The following EDARADD variants were observed in gnomAD, a reference collection of about 807,000 sequenced individuals.
The protein encoded by EDARADD is ectodysplasin-A receptor-associated adapter protein.
A neutral mutation model predicts 25.6 loss-of-function variants in EDARADD; 20 were observed. That is an observed-to-expected ratio of 0.78 (90% CI 0.55 to 1.14). EDARADD has a LOEUF of 1.14. Ranked by LOEUF, EDARADD falls within the 50% of genes most tolerant of loss-of-function variation. The pLI, the probability that EDARADD is intolerant of heterozygous loss-of-function variation, is 0.00. For missense variants in EDARADD, 225 were observed against 270.1 expected (o/e 0.83, Z 1.17); for synonymous variants, 86 against 94.4 (o/e 0.91, Z 0.52).
chr1:236,484,563 T>G lies in EDARADD; in HGVS notation c.*1914T>G. The G allele has an allele frequency of 1.0e-6, 1 of 977,622 alleles. No homozygotes were observed. Among genetic ancestry groups the G allele is most frequent in the South Asian group, 1.4e-5 (1 of 71,886 alleles). The allele number at this position is 977,622 out of a possible 1,614,324, so 60.6% of individuals were successfully genotyped here. On this transcript the variant is annotated 3_prime_UTR_variant, in exon 6 of 6. Coordinates refer to ENST00000334232, the MANE Select transcript of EDARADD (RefSeq NM_145861.4). The surrounding 1 kb of genome is among the most constrained non-coding windows in gnomAD (Gnocchi z 4.1). ...CAGCTCAAGACCCCCGAGCAACATT[T>G]GTAGGGGCCGCTGCTAGTTAGCTAC...
At position 236,482,544 on chromosome 1, in the gene EDARADD, G is replaced by A; in HGVS notation, c.543G>A (p.Glu181=). The change falls in exon 6 of 6, where the codon GAG becomes GAA. Residue 181 remains glutamate (E), a synonymous_variant. Transcript: ENST00000334232. Reference sequence around the variant, plus strand: ...AGAGGACGGTGGGCCAGCTGATGGAGCTCTGCAGGCTCTACCACAGGGCCG... The same window carrying A: ...AGAGGACGGTGGGCCAGCTGATGGAACTCTGCAGGCTCTACCACAGGGCCG... ...NSQRTVGQLM[E]LCRLYHRADV... 2 of 1,613,238 alleles carry A rather than the reference G, an allele frequency of 1.2e-6. No individual in the cohort carries two copies. Among genetic ancestry groups the A allele is most frequent in the Non-Finnish European group, 8.5e-7 (1 of 1,179,418 alleles).
intron 1 of EDARADD, among the ~76,000 whole-genome samples, chr1:236,405,812 C>T (rs1558112585): frequency 8.2e-5 from 10 of 121,406 alleles, no homozygotes; most frequent in Non-Finnish European, 1.7e-4. Flanking sequence ...TTCTTTCTTT[C>T]CTTCCTTCCT....
At chr1:236,349,676 G>C (rs1321510869) in intron 2 of EDARADD, among the ~76,000 whole-genome samples, 1 of 150,826 alleles carries the variant, frequency 6.6e-6, no homozygotes, top group Non-Finnish European at 1.5e-5. Flanking sequence ...AAGTTTTATT[G>C]TGTAGAGGAA....
rs776415213 is a variant in EDARADD, at chr1:236,395,655, G to A, written c.61+1150G>A. The A allele has an allele frequency of 3.2e-5, 50 of 1,575,794 alleles. No homozygotes were observed. Among genetic ancestry groups the A allele is most frequent in the Non-Finnish European group, 4.1e-5 (48 of 1,163,668 alleles). ...ATGGCTTCACCGGACGACCCTCTGC[G>A]CGCAGGTAAAGGGACACAGCGCCGC... On this transcript the variant is annotated intron_variant, in intron 1 of 5. Transcript: ENST00000334232. The surrounding 1 kb of genome is among the most constrained non-coding windows in gnomAD (Gnocchi z 6.9).
chr1:236,403,528 C>A (rs1480371473), intron 1 of EDARADD, among the ~76,000 whole-genome samples: 1 of 152,044 alleles, frequency 6.6e-6, no homozygotes, highest in Non-Finnish European at 1.5e-5. Context: ...ACCTCGTGAT[C>A]CGCCTGCCTC....
At position 236,398,217 on chromosome 1, in the gene EDARADD, C is replaced by T. The variant is rs566703552; in HGVS notation, c.61+3712C>T. Among the ~76,000 whole-genome samples, 104 of 152,230 alleles carry T rather than the reference C, an allele frequency of 6.8e-4. No homozygotes were observed. Among genetic ancestry groups the T allele is most frequent in the South Asian group, 3.3e-3 (16 of 4,812 alleles). The stretch of plus-strand genomic sequence containing the variant: ...CCCACTCACTGCAACCTCCGCCTCC[C>T]GGGTTCAAGAGATTCTCCTGTCTCA... On this transcript the variant is annotated intron_variant, in intron 1 of 5. Coordinates refer to ENST00000334232, the MANE Select transcript of EDARADD (RefSeq NM_145861.4). The surrounding 1 kb of genome is among the most constrained non-coding windows in gnomAD (Gnocchi z 4.1).
intron 3 of EDARADD, among the ~76,000 whole-genome samples, chr1:236,422,552 G>A (rs1657807689): frequency 6.6e-6 from 1 of 152,170 alleles, no homozygotes; most frequent in African/African-American, 2.4e-5. Context: ...GCTAATCTTG[G>A]GTCCTTCCTT....
chr1:236,414,590 C>T (rs1657586100), intron 3 of EDARADD, among the ~76,000 whole-genome samples: 2 of 152,050 alleles, frequency 1.3e-5, no homozygotes, highest in Non-Finnish European at 2.9e-5. Flanking sequence ...ATGAAGACAG[C>T]TGGGACTTTG....
chr1:236,357,088 T>TAAAA (rs138887211), intron 3 of EDARADD, among the ~76,000 whole-genome samples: 9 of 145,292 alleles, frequency 6.2e-5, no homozygotes, highest in East Asian at 2.0e-4. Flanking sequence ...CTGTCTCAAA[T>TAAAA]AAAAAATAAA....
intron 3 of EDARADD, among the ~76,000 whole-genome samples, chr1:236,354,336 T>C (rs981348508): frequency 7.2e-5 from 11 of 152,098 alleles, no homozygotes; most frequent in African/African-American, 2.7e-4. Context: ...TCAGATATAC[T>C]TGGGTTCGAA....
chr1:236,405,897 C>CTT (rs1372229542), intron 1 of EDARADD, among the ~76,000 whole-genome samples: 1 of 42,352 alleles, frequency 2.4e-5, no homozygotes, highest in Non-Finnish European at 5.2e-5. Context: ...TTCTTTCTTT[C>CTT]TTTCTTTCTT....
intron 5 of EDARADD, among the ~76,000 whole-genome samples, 169 bp from the exon 6 acceptor site, chr1:236,482,098 G>C (rs1308663633): frequency 1.4e-5 from 2 of 143,560 alleles, no homozygotes; most frequent in African/African-American, 5.2e-5. Flanking sequence ...CTGGGCGAAA[G>C]AGCGAGACTC....
At chr1:236,468,932 G>T (rs1659288494) in intron 5 of EDARADD, among the ~76,000 whole-genome samples, 1 of 152,168 alleles carries the variant, frequency 6.6e-6, no homozygotes, top group African/African-American at 2.4e-5. Flanking sequence ...CTTGGTGGAA[G>T]GGACCAGAAG....
rs550530916 is a variant in EDARADD at position 236,466,830 on chromosome 1, AGGCCAAGGTG to A, written c.220-1397_220-1388del. ...ACACCTGTAATCCCAACACTTTGGGAGGCCAAGGTGGGCGGATCATGAGGTCAGGAGTTCG... is the reference window on the plus strand; with the variant it reads ...ACACCTGTAATCCCAACACTTTGGGAGGCGGATCATGAGGTCAGGAGTTCG... On this transcript the variant is annotated intron_variant, in intron 4 of 5. Coordinates refer to ENST00000334232, the MANE Select transcript of EDARADD (RefSeq NM_145861.4). 7.2e-5 allele frequency among the ~76,000 whole-genome samples: 11 copies of A among 152,304 alleles called. No individual in the cohort carries two copies. In the South Asian group the frequency reaches 2.3e-3, roughly 32 times the overall value.
chr1:236,435,291 G>A (rs1021415293), intron 4 of EDARADD, among the ~76,000 whole-genome samples: 1 of 152,220 alleles, frequency 6.6e-6, no homozygotes, highest in African/African-American at 2.4e-5. Context: ...TCAAGGCAAC[G>A]ATTCTTTCCT....
chr1:236,483,989 T>C lies in EDARADD; in HGVS notation c.*1340T>C. On this transcript the variant is annotated 3_prime_UTR_variant, in exon 6 of 6. Coordinates refer to ENST00000334232, the MANE Select transcript of EDARADD (RefSeq NM_145861.4). ...CCACCAGGTACATCTCACCTGACTGTCTGGCTGACCTGTACAAGTCCTTCA... is the reference window on the plus strand; with the variant it reads ...CCACCAGGTACATCTCACCTGACTGCCTGGCTGACCTGTACAAGTCCTTCA... 2 of 1,394,474 alleles carry C rather than the reference T, an allele frequency of 1.4e-6. No homozygotes were observed. The highest frequency in any genetic ancestry group is 2.0e-6 in the Non-Finnish European group (2 of 981,998). 86.4% of individuals were successfully genotyped at this position (1,394,474 alleles called of 1,614,324 possible). A position where few individuals can be genotyped will look rare whatever the true frequency, so the allele number is the denominator to read the frequency against.
At position 236,385,543 on chromosome 1, in the gene EDARADD, C is replaced by T. The variant is rs139382286; in HGVS notation, c.-5-23673C>T. Among the ~76,000 whole-genome samples the T allele has an allele frequency of 2.0e-5, 3 of 151,572 alleles. No homozygotes were observed. In the South Asian group the frequency reaches 6.3e-4, roughly 32 times the overall value. On this transcript the variant is annotated intron_variant, in intron 3 of 7. Coordinates refer to the EDARADD transcript ENST00000439430. ...GTTCCAGACCAGCCTGGCCAACATG[C>T]TGAAACCCCGTCTCTACTAAAAATA...
In EDARADD at chr1:236,447,122, C is replaced by CCT. The variant is rs1181773871; in HGVS notation, c.219+19687_219+19688dup. 5.3e-5 allele frequency among the ~76,000 whole-genome samples: 8 copies of CCT among 151,250 alleles called. No homozygotes were observed. The South Asian group carries it at 6.3e-4, about 12-fold the overall frequency. ...CTTTTCTTTTCTTTCTTCCTTCCTT[C>CCT]CTCTCTCTCTCTCTCTTTCCTTCCT... On this transcript the variant is annotated intron_variant, in intron 4 of 5. Coordinates refer to ENST00000334232, the MANE Select transcript of EDARADD (RefSeq NM_145861.4).
rs112531036 is a variant in EDARADD at position 236,421,072 on chromosome 1, G to A, written c.161-6320G>A. Among the ~76,000 whole-genome samples, 553 of 147,254 alleles carry A rather than the reference G, an allele frequency of 3.8e-3. 50 individuals carry two copies. Among genetic ancestry groups the A allele is most frequent in the African/African-American group, 0.013 (529 of 40,354 alleles). On this transcript the variant is annotated intron_variant, in intron 3 of 5. Coordinates refer to ENST00000334232, the MANE Select transcript of EDARADD (RefSeq NM_145861.4). ...TTGATTGTCTCCTCTTCACCCTGTT[G>A]GTGAGGGAGGGATTCCATCTTAGGG... is the stretch of plus-strand genomic sequence containing the variant.
Sources: allele counts gnomAD v4.1 joint callset (sites outside exome capture counted in the v4.1 genomes callset), GRCh38; gene constraint gnomAD v4.1.1; non-coding constraint Gnocchi (gnomAD v3.1); transcripts MANE v1.5; gene names NCBI Gene and HGNC (gene_info 2026-07-23, HGNC 2026-07-21).